FGF14: variants seen among roughly 807,000 people sequenced by gnomAD.
FGF14 encodes fibroblast growth factor homologous factor 4.
A neutral mutation model predicts 25.5 loss-of-function variants in FGF14; 5 were observed. The observed-to-expected ratio is 0.20, with a 90% confidence interval of 0.10 to 0.41. FGF14 has a LOEUF of 0.41. FGF14 is among the 10% of genes least tolerant of loss of function. The pLI, the probability that FGF14 is intolerant of heterozygous loss-of-function variation, is 1.00. For synonymous variants in FGF14, 138 were observed against 118.3 expected (o/e 1.17, Z -1.08); for missense variants, 222 against 320.1 (o/e 0.69, Z 2.34).
At chr13:101,952,525 C>T (rs953948283) in intron 1 of FGF14, among the ~76,000 whole-genome samples, 10 of 151,818 alleles carry the variant, frequency 6.6e-5, no homozygotes, top group South Asian at 2.1e-4. Flanking sequence ...AATGATGAAA[C>T]GACACAATTG....
At chr13:101,863,541 G>A (rs970556948) in intron 3 of FGF14, among the ~76,000 whole-genome samples, 17 of 152,078 alleles carry the variant, frequency 1.1e-4, no homozygotes, top group South Asian at 4.1e-4. Context: ...TATGAGAATC[G>A]GCATGTAAAG....
intron 1 of FGF14, among the ~76,000 whole-genome samples, chr13:102,035,491 C>T (rs539299947): frequency 1.3e-5 from 2 of 152,194 alleles, no homozygotes; most frequent in South Asian, 2.1e-4. Flanking sequence ...TCCCATGTGG[C>T]CTTGTAGAAG....
intron 3 of FGF14, among the ~76,000 whole-genome samples, chr13:101,782,980 T>C (rs2039598550): frequency 6.6e-6 from 1 of 152,160 alleles, no homozygotes; most frequent in Non-Finnish European, 1.5e-5. Flanking sequence ...TTGAACTAAT[T>C]TACACTCCCA....
At chr13:102,059,371 A>C (rs2042574786) in intron 1 of FGF14, among the ~76,000 whole-genome samples, 1 of 152,214 alleles carries the variant, frequency 6.6e-6, no homozygotes, top group Admixed American at 6.5e-5. Flanking sequence ...TGACCACACC[A>C]ACCAGCAGGC....
At position 102,047,786 on chromosome 13, in the gene FGF14, A is replaced by C. The variant is rs185389119; in HGVS notation, c.209-172490T>G. Among the ~76,000 whole-genome samples the C allele has an allele frequency of 2.1e-3, 318 of 152,276 alleles. 1 individual carries two copies. Among genetic ancestry groups the C allele is most frequent in the African/African-American group, 7.4e-3 (308 of 41,536 alleles). On this transcript the variant is annotated intron_variant, in intron 1 of 4. Transcript: ENST00000376131. ...ATGGCACATGTATACATATGTAACA[A>C]ACCTGCATGTTGTGCACATGTACCC...
At chr13:102,219,313 G>A (rs1162024097) in intron 1 of FGF14, among the ~76,000 whole-genome samples, 5 of 152,142 alleles carry the variant, frequency 3.3e-5, no homozygotes. Flanking sequence ...TTACATGGAG[G>A]TGCATTTTCT....
chr13:102,086,552 C>G (rs1026176573), intron 1 of FGF14, among the ~76,000 whole-genome samples: 3 of 151,990 alleles, frequency 2.0e-5, no homozygotes, highest in African/African-American at 7.3e-5. Context: ...GTGCTTCCGA[C>G]CTTATTTTAT....
intron 1 of FGF14, among the ~76,000 whole-genome samples, chr13:102,305,199 GA>G (rs1230435520): frequency 7.9e-5 from 12 of 152,004 alleles, no homozygotes; most frequent in Admixed American, 7.9e-4. Context: ...GAGTCTTTAT[GA>G]AAAGCTTTTA....
At chr13:101,810,551 C>G (rs1191817374) in intron 3 of FGF14, among the ~76,000 whole-genome samples, 1 of 152,162 alleles carries the variant, frequency 6.6e-6, no homozygotes, top group African/African-American at 2.4e-5. Flanking sequence ...TCCTGCTTCG[C>G]TGACATGCAG....
chr13:102,000,931 CA>C (rs1185287399), intron 1 of FGF14, among the ~76,000 whole-genome samples: 6 of 152,078 alleles, frequency 3.9e-5, no homozygotes, highest in African/African-American at 1.4e-4. Context: ...CTGAGGACAG[CA>C]AAAGCCTGGG....
intron 1 of FGF14, among the ~76,000 whole-genome samples, chr13:102,145,227 G>T (rs1460343843): frequency 6.6e-6 from 1 of 152,152 alleles, no homozygotes; most frequent in Non-Finnish European, 1.5e-5. Flanking sequence ...GACAATCATG[G>T]CAATTGGGTT....
intron 1 of FGF14, among the ~76,000 whole-genome samples, chr13:102,022,178 T>C (rs935916626): frequency 2.0e-5 from 3 of 152,076 alleles, no homozygotes; most frequent in African/African-American, 7.2e-5. Flanking sequence ...GCTTCCTTTT[T>C]AATCTGGGCA....
At chr13:101,952,905 G>T (rs758132256) in intron 1 of FGF14, among the ~76,000 whole-genome samples, 1 of 152,118 alleles carries the variant, frequency 6.6e-6, no homozygotes, top group African/African-American at 2.4e-5. Flanking sequence ...ATGGTGGTAG[G>T]CGCCTGTGAT....
chr13:102,062,441 TA>T (rs2042729795), intron 1 of FGF14, among the ~76,000 whole-genome samples: 1 of 152,164 alleles, frequency 6.6e-6, no homozygotes, highest in African/African-American at 2.4e-5. Context: ...AAACAGAAGC[TA>T]ACAGTTACTA....
chr13:101,952,272 C>A (rs2036215569), intron 1 of FGF14, among the ~76,000 whole-genome samples: 1 of 152,070 alleles, frequency 6.6e-6, no homozygotes, highest in Non-Finnish European at 1.5e-5. Context: ...TCAAGGCTGG[C>A]TTGTTTACCA....
chr13:102,398,949 G>A (rs2058641734), intron 1 of FGF14, among the ~76,000 whole-genome samples: 1 of 150,320 alleles, frequency 6.7e-6, no homozygotes, highest in African/African-American at 2.4e-5. Flanking sequence ...TCATATCCCT[G>A]GTTATCTAAC....
At chr13:101,933,803 CTT>C (rs1406058859) in intron 1 of FGF14, among the ~76,000 whole-genome samples, 2 of 151,938 alleles carry the variant, frequency 1.3e-5, no homozygotes, top group African/African-American at 4.8e-5. Flanking sequence ...ACATATTACT[CTT>C]TCTTACATTA....
chr13:101,720,516 T>TGG lies in FGF14; in HGVS notation c.*2313_*2314dup, dbSNP rs1425667871. ...GGGCTAATTATCAGTAACAAATAGATGGGGGTGTTTGCTCTGTGTGTGTGT... is the reference window on the plus strand; with the variant it reads ...GGGCTAATTATCAGTAACAAATAGATGGGGGGGTGTTTGCTCTGTGTGTGTGT... On this transcript the variant is annotated 3_prime_UTR_variant, in exon 5 of 5. Transcript: ENST00000376143. 2.1e-4 allele frequency: 31 copies of TGG among 146,356 alleles called. 1 individual carries two copies. In the Admixed American group the frequency reaches 2.2e-3, roughly 10 times the overall value. The allele number at this position is 146,356 out of a possible 1,614,324, so 9.1% of individuals were successfully genotyped here. A position where few individuals can be genotyped will look rare whatever the true frequency, so the allele number is the denominator to read the frequency against.
chr13:101,981,082 A>C (rs1358950967), intron 1 of FGF14, among the ~76,000 whole-genome samples: 3 of 123,706 alleles, frequency 2.4e-5, no homozygotes, highest in Non-Finnish European at 5.0e-5. Flanking sequence ...TCTCTACTAA[A>C]ACACACACAC....
Sources: allele counts gnomAD v4.1 joint callset (sites outside exome capture counted in the v4.1 genomes callset), GRCh38; gene constraint gnomAD v4.1.1; transcripts MANE v1.5; gene names NCBI Gene and HGNC (gene_info 2026-07-23, HGNC 2026-07-21).